The following CNTNAP5 variants were observed in gnomAD, a reference collection of about 807,000 sequenced individuals.
CNTNAP5 encodes contactin associated protein family member 5, also known as contactin-associated protein-like 5.
CNTNAP5 carries 72 observed loss-of-function variants against 150.2 expected under a neutral mutation model. The ratio of observed to expected loss-of-function variants is 0.48; its 90% CI spans 0.40 to 0.58. The LOEUF is 0.58. CNTNAP5 is among the 20% of genes least tolerant of loss of function. The pLI is 0.00. For missense variants in CNTNAP5, 1,636 were observed against 1,626.2 expected (o/e 1.01, Z -0.10); for synonymous variants, 672 against 619.8 (o/e 1.08, Z -1.25).
chr2:124,585,336 A>G (rs1696503625), intron 11 of CNTNAP5, among the ~76,000 whole-genome samples: 1 of 152,160 alleles, frequency 6.6e-6, no homozygotes, highest in Non-Finnish European at 1.5e-5. Flanking sequence ...TACTTGAGCA[A>G]CACTAAACTA....
intron 12 of CNTNAP5, among the ~76,000 whole-genome samples, chr2:124,640,751 A>G (rs1678073424): frequency 6.6e-6 from 1 of 152,088 alleles, no homozygotes; most frequent in Non-Finnish European, 1.5e-5. Flanking sequence ...TAATCTCTTC[A>G]CATCCTCCCG....
intron 13 of CNTNAP5, among the ~76,000 whole-genome samples, chr2:124,737,423 C>T (rs1488851507): frequency 6.6e-6 from 1 of 151,944 alleles, no homozygotes; most frequent in Admixed American, 6.6e-5. Flanking sequence ...CATGGGAGGA[C>T]GGGTTCAGGC....
At chr2:124,281,859 CTT>C (rs1239921046) in intron 3 of CNTNAP5, among the ~76,000 whole-genome samples, 1 of 152,310 alleles carries the variant, frequency 6.6e-6, no homozygotes, top group African/African-American at 2.4e-5. Flanking sequence ...ACAGCAATCT[CTT>C]TCTGTAACTA....
chr2:124,598,649 C>A (rs1287309890), intron 11 of CNTNAP5, among the ~76,000 whole-genome samples: 1 of 150,984 alleles, frequency 6.6e-6, no homozygotes, highest in East Asian at 2.0e-4. Flanking sequence ...AGGCAGGCCT[C>A]CTTGAGCTGT....
chr2:124,057,580 G>T (rs184756140), intron 1 of CNTNAP5, among the ~76,000 whole-genome samples: 6 of 150,294 alleles, frequency 4.0e-5, no homozygotes, highest in Non-Finnish European at 7.4e-5. Context: ...ATGAGCCACC[G>T]CTCCTGGCCA....
intron 3 of CNTNAP5, among the ~76,000 whole-genome samples, chr2:124,267,791 G>A (rs1261588763): frequency 2.0e-5 from 3 of 152,154 alleles, no homozygotes; most frequent in Admixed American, 1.3e-4. Context: ...AGAATTTGGG[G>A]AAAATGCTCC....
chr2:124,072,891 G>A (rs977100582), intron 1 of CNTNAP5, among the ~76,000 whole-genome samples: 4 of 151,844 alleles, frequency 2.6e-5, no homozygotes, highest in African/African-American at 9.7e-5. Flanking sequence ...AAAAGACCCA[G>A]AATAGCCAAA....
chr2:124,687,397 T>C (rs1004643032), intron 13 of CNTNAP5, among the ~76,000 whole-genome samples: 3 of 152,060 alleles, frequency 2.0e-5, no homozygotes, highest in African/African-American at 7.2e-5. Flanking sequence ...GAACAGTTAT[T>C]AAGCATTTCA....
chr2:124,344,651 G>A (rs1689696090), intron 3 of CNTNAP5, among the ~76,000 whole-genome samples: 1 of 152,128 alleles, frequency 6.6e-6, no homozygotes, highest in South Asian at 2.1e-4. Context: ...AGCTCCTCAG[G>A]AGGCTAAGGC....
At chr2:124,033,197 TAG>T (rs1681112498) in intron 1 of CNTNAP5, among the ~76,000 whole-genome samples, 2 of 152,190 alleles carry the variant, frequency 1.3e-5, no homozygotes, top group South Asian at 4.1e-4. Flanking sequence ...GCTGAATTGA[TAG>T]AGTTTTAAAG....
chr2:124,763,481 G>A (rs1312030916), intron 14 of CNTNAP5, among the ~76,000 whole-genome samples, 191 bp from the exon 15 acceptor site: 1 of 152,112 alleles, frequency 6.6e-6, no homozygotes, highest in African/African-American at 2.4e-5. Flanking sequence ...TTGGAAGCCA[G>A]TCATGGGTTT....
At chr2:124,736,392 T>G (rs1020282688) in intron 13 of CNTNAP5, among the ~76,000 whole-genome samples, 1 of 152,238 alleles carries the variant, frequency 6.6e-6, no homozygotes, top group Non-Finnish European at 1.5e-5. Flanking sequence ...AAAAATAATG[T>G]TTAACATTTT....
At chr2:124,198,757 AG>A (rs1321998581) in intron 1 of CNTNAP5, among the ~76,000 whole-genome samples, 2 of 151,278 alleles carry the variant, frequency 1.3e-5, no homozygotes, top group African/African-American at 4.9e-5. Flanking sequence ...CATATTTTTT[AG>A]GTTTTTTTTT....
chr2:124,032,936 C>T (rs1361131674), intron 1 of CNTNAP5, among the ~76,000 whole-genome samples: 3 of 152,164 alleles, frequency 2.0e-5, no homozygotes, highest in Non-Finnish European at 4.4e-5. Context: ...GAGAACTAGT[C>T]ATTAAGGAAT....
intron 1 of CNTNAP5, among the ~76,000 whole-genome samples, chr2:124,072,294 A>G (rs1682325521): frequency 1.3e-5 from 2 of 151,966 alleles, no homozygotes; most frequent in Non-Finnish European, 2.9e-5. Context: ...AAAAAATGGA[A>G]GCCTTTCCTC....
chr2:124,627,698 A>G lies in CNTNAP5; in HGVS notation c.1876+17778A>G, dbSNP rs1334532466. ...TGCAACGTCTCCAGCAAGGTCACAG[A>G]ACGGAGCTGAAGCTGAGATGGATGA... On this transcript the variant is annotated intron_variant, in intron 12 of 23. Transcript: ENST00000682447. 2.0e-5 allele frequency among the ~76,000 whole-genome samples: 3 copies of G among 152,280 alleles called. No homozygotes were observed. The East Asian group carries it at 5.8e-4, about 29-fold the overall frequency.
At chr2:124,187,544 G>A (rs923062487) in intron 1 of CNTNAP5, among the ~76,000 whole-genome samples, 2 of 152,152 alleles carry the variant, frequency 1.3e-5, no homozygotes, top group Non-Finnish European at 2.9e-5. Context: ...AATTTTGAAC[G>A]AGTAAAATAA....
chr2:124,493,341 CATT>C (rs1382345087), intron 7 of CNTNAP5, among the ~76,000 whole-genome samples: 4 of 150,508 alleles, frequency 2.7e-5, no homozygotes, highest in Admixed American at 6.6e-5. Context: ...TTATTATTAT[CATT>C]ATTATTATTA....
intron 21 of CNTNAP5, among the ~76,000 whole-genome samples, 164 bp from the exon 22 acceptor site, chr2:124,902,718 G>T (rs552767556): frequency 6.6e-6 from 1 of 152,162 alleles, no homozygotes; most frequent in East Asian, 1.9e-4. Context: ...TGGGAGTGGA[G>T]GTGGGGAAAG....
Sources: gnomAD v4.1 joint callset for allele counts (sites outside exome capture counted in the v4.1 genomes callset) on GRCh38, gnomAD v4.1.1 for gene constraint, MANE v1.5 for transcripts, NCBI Gene and HGNC (gene_info 2026-07-23, HGNC 2026-07-21) for gene names.